The following EML6 variants were observed in gnomAD, a reference collection of about 807,000 sequenced individuals.
The protein encoded by EML6 is echinoderm microtubule-associated protein-like 6.
In EML6, 154 loss-of-function variants were observed where a neutral mutation model predicts 240.1. The observed-to-expected ratio is 0.64, with a 90% CI of 0.56 to 0.73. The LOEUF is 0.73. Ranked by LOEUF, EML6 falls within the 30% of genes least tolerant of loss-of-function variation. EML6 has a pLI of 0.00. For missense variants in EML6, 2,964 were observed against 2,474.6 expected (o/e 1.20, Z -4.20); for synonymous variants, 1,148 against 899.0 (o/e 1.28, Z -4.95).
chr2:54,740,239 G>C (rs774263826), intron 2 of EML6, among the ~76,000 whole-genome samples: 1 of 152,138 alleles, frequency 6.6e-6, no homozygotes, highest in African/African-American at 2.4e-5. Flanking sequence ...GGAAAGAAAA[G>C]ATCCCAGGGT....
chr2:54,956,767 C>T (rs557409904), intron 32 of EML6, among the ~76,000 whole-genome samples: 15 of 150,906 alleles, frequency 9.9e-5, no homozygotes, highest in Non-Finnish European at 1.6e-4. Flanking sequence ...GTGATGAGAA[C>T]GAAGAAGAAA....
At chr2:54,935,344 T>G (rs1457603513) in intron 28 of EML6, among the ~76,000 whole-genome samples, 1 of 152,240 alleles carries the variant, frequency 6.6e-6, no homozygotes, top group East Asian at 1.9e-4. Flanking sequence ...CTCCTTTAAT[T>G]GTTCTTTCTA....
chr2:54,790,946 C>T (rs543315661), intron 2 of EML6, among the ~76,000 whole-genome samples: 2 of 151,914 alleles, frequency 1.3e-5, no homozygotes, highest in South Asian at 2.1e-4. Flanking sequence ...AGGATGGTCT[C>T]GATCTCCTGA....
rs1671948351 is a variant in EML6, at chr2:54,883,444, A to G, written c.2438+3804A>G. ...AAGGCTACTGCCACAGAAAGGGAGA[A>G]CAAAATTACACACAGGACTGGGCCT... On this transcript the variant is annotated intron_variant, in intron 17 of 41. Transcript: ENST00000356458. Among the ~76,000 whole-genome samples, 5 of 152,352 alleles carry G rather than the reference A, an allele frequency of 3.3e-5. No individual in the cohort carries two copies. In the South Asian group the frequency reaches 1.0e-3, roughly 32 times the overall value.
In EML6 at chr2:54,909,320, A is replaced by C. The variant is rs549591632; in HGVS notation, c.3410-1634A>C. ...ATTTTCTTATAATTCTAAATAGTCA[A>C]AGATAACTAACTCCCTTTTTTCTTT... On this transcript the variant is annotated intron_variant, in intron 24 of 41. Coordinates refer to ENST00000356458, the MANE Select transcript of EML6 (RefSeq NM_001039753.4). Among the ~76,000 whole-genome samples the C allele has an allele frequency of 8.0e-4, 122 of 152,348 alleles. 2 individuals are homozygous for C. Among genetic ancestry groups the C allele is most frequent in the African/African-American group, 2.9e-3 (120 of 41,582 alleles).
At chr2:54,859,368 G>A (rs1212351850) in intron 11 of EML6, among the ~76,000 whole-genome samples, 166 bp from the exon 12 acceptor site, 1 of 152,160 alleles carries the variant, frequency 6.6e-6, no homozygotes, top group Non-Finnish European at 1.5e-5. Flanking sequence ...GAATAATTGA[G>A]ATATATTTTG....
intron 7 of EML6, among the ~76,000 whole-genome samples, chr2:54,836,866 A>C (rs1180148804): frequency 6.6e-6 from 1 of 152,016 alleles, no homozygotes; most frequent in Non-Finnish European, 1.5e-5. Context: ...TTCCTCCTTC[A>C]TTTCTTTCAC....
intron 5 of EML6, among the ~76,000 whole-genome samples, chr2:54,822,427 G>C (rs939421184): frequency 8.5e-5 from 13 of 152,180 alleles, no homozygotes; most frequent in East Asian, 1.9e-4. Context: ...ACCAAGAGCT[G>C]ACTCATTGCT....
intron 5 of EML6, among the ~76,000 whole-genome samples, chr2:54,826,810 A>T (rs1377743348): frequency 6.6e-6 from 1 of 152,224 alleles, no homozygotes; most frequent in Non-Finnish European, 1.5e-5. Flanking sequence ...GTTTCTAAGT[A>T]ACATTTCTAC....
chr2:54,894,691 G>A (rs1179844768), intron 19 of EML6, among the ~76,000 whole-genome samples: 1 of 152,200 alleles, frequency 6.6e-6, no homozygotes, highest in East Asian at 1.9e-4. Context: ...GGAGAGTGCA[G>A]TGGACACATG....
At chr2:54,855,570 C>T (rs1015754424) in intron 11 of EML6, among the ~76,000 whole-genome samples, 12 of 151,048 alleles carry the variant, frequency 7.9e-5, no homozygotes, top group East Asian at 7.8e-4. Context: ...AATGAGTCAC[C>T]GTTACATAAA....
intron 2 of EML6, among the ~76,000 whole-genome samples, chr2:54,729,288 G>A (rs1450794793): frequency 6.6e-6 from 1 of 152,228 alleles, no homozygotes; most frequent in African/African-American, 2.4e-5. Context: ...CTCAGATGAA[G>A]GGGCACCTTG....
chr2:54,730,089 T>C (rs1177751633), intron 2 of EML6, among the ~76,000 whole-genome samples: 1 of 152,128 alleles, frequency 6.6e-6, no homozygotes, highest in Non-Finnish European at 1.5e-5. Context: ...TAAGCCCAGT[T>C]TGTGCTGTTG....
intron 17 of EML6, among the ~76,000 whole-genome samples, chr2:54,885,783 T>G (rs1672096633): frequency 6.6e-6 from 1 of 152,008 alleles, no homozygotes; most frequent in Non-Finnish European, 1.5e-5. Context: ...GGCTAATTTT[T>G]TGTATTTTTA....
At chr2:54,936,956 G>A (rs1573179180) in intron 28 of EML6, among the ~76,000 whole-genome samples, 1 of 144,058 alleles carries the variant, frequency 6.9e-6, no homozygotes, top group South Asian at 2.2e-4. Flanking sequence ...AGGCTAAAAC[G>A]GTCATGTCTC....
At chr2:54,889,582 T>G (rs1274221858) in intron 17 of EML6, among the ~76,000 whole-genome samples, 3 of 151,986 alleles carry the variant, frequency 2.0e-5, no homozygotes, top group African/African-American at 7.3e-5. Context: ...CCATTATATT[T>G]TTCAACCAGT....
At chr2:54,776,212 A>G (rs935420302) in intron 2 of EML6, among the ~76,000 whole-genome samples, 2 of 152,038 alleles carry the variant, frequency 1.3e-5, no homozygotes, top group Admixed American at 1.3e-4. Flanking sequence ...TGATAAGTGG[A>G]AAAGGAGGAG....
intron 4 of EML6, among the ~76,000 whole-genome samples, chr2:54,818,352 T>C (rs1481428451): frequency 2.6e-5 from 4 of 152,220 alleles, no homozygotes; most frequent in Admixed American, 6.5e-5. Context: ...GCTTGCTAAG[T>C]GACCAAACTG....
intron 2 of EML6, among the ~76,000 whole-genome samples, chr2:54,783,779 C>A (rs1381833269): frequency 6.6e-6 from 1 of 152,054 alleles, no homozygotes; most frequent in African/African-American, 2.4e-5. Context: ...ACAGTATTTT[C>A]TTTTTGTATA....
Sources: allele counts gnomAD v4.1 joint callset (sites outside exome capture counted in the v4.1 genomes callset), GRCh38; gene constraint gnomAD v4.1.1; transcripts MANE v1.5; gene names NCBI Gene and HGNC (gene_info 2026-07-23, HGNC 2026-07-21).